The following BBOF1 variants were observed in gnomAD, a reference collection of about 807,000 sequenced individuals.
BBOF1 encodes the protein basal body orientation factor 1, also known as basal body-orientation factor 1.
BBOF1 carries 62 observed loss-of-function variants against 68.0 expected under a neutral mutation model. The ratio of observed to expected loss-of-function variants is 0.91; its 90% CI spans 0.74 to 1.13. The LOEUF (loss-of-function observed/expected upper bound fraction) is 1.13, where lower values mean the gene tolerates loss of function less well. BBOF1 is among the 50% of genes most tolerant of loss of function. BBOF1 has a pLI of 0.00. For missense variants in BBOF1, 534 were observed against 600.1 expected (o/e 0.89, Z 1.15); for synonymous variants, 208 against 198.8 (o/e 1.05, Z -0.39).
intron 12 of BBOF1, among the ~76,000 whole-genome samples, chr14:74,081,863 T>G (rs1340069229): frequency 6.6e-6 from 1 of 152,216 alleles, no homozygotes; most frequent in Admixed American, 6.6e-5. Context: ...CATCAGTTAC[T>G]AGTTCGGTAA....
chr14:74,065,555 A>T lies in BBOF1; in HGVS notation c.*856A>T. The T allele has an allele frequency of 1.7e-6, 1 of 594,374 alleles. No individual in the cohort carries two copies. The highest frequency in any genetic ancestry group is 2.0e-5 in the South Asian group (1 of 50,358). The allele number at this position is 594,374 out of a possible 1,614,324, so 36.8% of individuals were successfully genotyped here. On this transcript the variant is annotated 3_prime_UTR_variant, in exon 12 of 12. Transcript: ENST00000394009. ...TATTCCGTCTTCCAAGTTACCAATC[A>T]TATAAACAACTTGGAATTCCTATCA... is the stretch of plus-strand genomic sequence containing the variant.
At chr14:74,052,003 A>G (rs1050325954) in intron 8 of BBOF1, among the ~76,000 whole-genome samples, 1 of 151,824 alleles carries the variant, frequency 6.6e-6, no homozygotes. Context: ...GATAGATAAG[A>G]TTCTTCTTCA....
downstream of BBOF1, among the ~76,000 whole-genome samples, chr14:74,068,263 C>A (rs2060500116): frequency 6.6e-6 from 1 of 151,828 alleles, no homozygotes; most frequent in Admixed American, 6.6e-5. Context: ...CCTGTAATCC[C>A]AGCTACTCAG....
At chr14:74,072,746 A>G in intron 9 of BBOF1, 1 of 982,910 alleles carries the variant, frequency 1.0e-6, no homozygotes, top group South Asian at 1.4e-5. Context: ...GTCTTTAGAA[A>G]TGTTACCACT....
At chr14:74,054,533 C>G (rs2060140677) in intron 8 of BBOF1, among the ~76,000 whole-genome samples, 1 of 151,636 alleles carries the variant, frequency 6.6e-6, no homozygotes, top group African/African-American at 2.4e-5. Flanking sequence ...TGCCCACCAC[C>G]ATGCCCAGCT....
At chr14:74,067,669 T>G, downstream of BBOF1, 1 of 1,297,616 alleles carries the variant, frequency 7.7e-7, no homozygotes. Context: ...ATGCCTGTAA[T>G]CCCAGCACTT....
chr14:74,044,449 C>T (rs1441012677), intron 5 of BBOF1, among the ~76,000 whole-genome samples: 1 of 146,086 alleles, frequency 6.8e-6, no homozygotes, highest in Admixed American at 7.0e-5. Flanking sequence ...AGCTTTGTGA[C>T]TTTGGGCAAG....
Position 74,048,060 on chromosome 14 carries a change from C to A in BBOF1, c.778C>A (p.Leu260Ile). 1 of 1,609,914 alleles carries A rather than the reference C, an allele frequency of 6.2e-7. No homozygotes were observed. The highest frequency in any genetic ancestry group is 8.5e-7 in the Non-Finnish European group (1 of 1,178,882). Residue 260 changes from leucine to isoleucine, a missense_variant, in exon 7 of 12, where the codon CTT becomes ATT. Leu to Ile is a conservative substitution (Grantham distance 5). Transcript: ENST00000394009. Reference protein sequence around the residue: ...SQKLQESHTLLLHQKEINDLL... With the variant: ...SQKLQESHTLILHQKEINDLL... ...GAAGTTGCAAGAGAGTCATACTTTA[C>A]TTTTACATCAAAAGGTTCCCTCTCA...
At chr14:74,068,481 C>T (rs2060503446), downstream of BBOF1, among the ~76,000 whole-genome samples, 2 of 152,114 alleles carry the variant, frequency 1.3e-5, no homozygotes, top group African/African-American at 4.8e-5. Flanking sequence ...AGGCTTACGC[C>T]TGTAATCCCA....
At chr14:74,047,421 T>G (rs937845653) in intron 6 of BBOF1, among the ~76,000 whole-genome samples, 24 of 151,358 alleles carry the variant, frequency 1.6e-4, no homozygotes, top group Admixed American at 5.9e-4. Context: ...ATTTATTTAT[T>G]TATTTATTTA....
At chr14:74,025,912 G>A (rs569718204) in intron 2 of BBOF1, among the ~76,000 whole-genome samples, 8 of 147,486 alleles carry the variant, frequency 5.4e-5, no homozygotes, top group Non-Finnish European at 1.2e-4. Flanking sequence ...GGGTGGGGGG[G>A]GTGCATCACA....
chr14:74,072,530 C>T lies in BBOF1; in HGVS notation n.1380-5666C>T, dbSNP rs184483889. ...ATAAGTTGAAGTCCCAAAGCAGCTT[C>T]GCTTACTGGGTTGTGGATATCGATC... On this transcript the variant is annotated intron_variant and non_coding_transcript_variant, in intron 9 of 12. Coordinates refer to the BBOF1 transcript ENST00000492026. 365 of 1,614,124 alleles carry T rather than the reference C, an allele frequency of 2.3e-4. 1 individual carries two copies. In the African/African-American group the frequency reaches 4.1e-3, roughly 18 times the overall value.
downstream of BBOF1, among the ~76,000 whole-genome samples, chr14:74,070,440 A>C (rs1340802104): frequency 6.6e-6 from 1 of 152,004 alleles, no homozygotes; most frequent in Non-Finnish European, 1.5e-5. Flanking sequence ...AATTGCTTGA[A>C]CCTGGGAGGC....
At chr14:74,082,077 G>C (rs1278880372) in intron 12 of BBOF1, among the ~76,000 whole-genome samples, 4 of 152,054 alleles carry the variant, frequency 2.6e-5, no homozygotes, top group African/African-American at 9.6e-5. Context: ...ATGGGGGCAC[G>C]ATCTGTTGTT....
At chr14:74,023,233 T>C (rs1366133934) in intron 2 of BBOF1, 89 bp downstream of exon 2, 6 of 744,050 alleles carry the variant, frequency 8.1e-6, no homozygotes, top group Non-Finnish European at 1.3e-5. Context: ...TTTAATTCCT[T>C]GAAATCTTAA....
Position 74,029,375 on chromosome 14 carries a change from T to C in BBOF1, c.351+126T>C, listed in dbSNP as rs1046970812. 3.0e-5 allele frequency: 18 copies of C among 590,324 alleles called. No homozygotes were observed. In the East Asian group the frequency reaches 5.1e-4, roughly 17 times the overall value. The allele number at this position is 590,324 out of a possible 1,614,324, so 36.6% of individuals were successfully genotyped here. A position where few individuals can be genotyped will look rare whatever the true frequency, so the allele number is the denominator to read the frequency against. The stretch of plus-strand genomic sequence containing the variant: ...TGGGCAGGCTAATGACCTTAAAGCT[T>C]GATTGTATAGAAATTCAAAAAACCA... On this transcript the variant is annotated intron_variant, in intron 3 of 11. Transcript: ENST00000394009.
intron 9 of BBOF1, chr14:74,071,896 G>C: frequency 6.2e-7 from 1 of 1,614,108 alleles, no homozygotes; most frequent in Non-Finnish European, 8.5e-7. Flanking sequence ...CCCAGCTTAC[G>C]AAGGCCTCGA....
Position 74,064,853 on chromosome 14 carries a change from A to G in BBOF1, c.*154A>G. The G allele has an allele frequency of 6.2e-7, 1 of 1,614,104 alleles. No homozygotes were observed. Among genetic ancestry groups the G allele is most frequent in the African/African-American group, 1.3e-5 (1 of 75,020 alleles). On this transcript the variant is annotated 3_prime_UTR_variant, in exon 12 of 12. Coordinates refer to ENST00000394009, the MANE Select transcript of BBOF1 (RefSeq NM_025057.3). ...GCCATAGAAATTGGTGTCTCCCCTGAAGGAGGATCGAGAGCCGGTGAATGA... is the reference window on the plus strand; with the variant it reads ...GCCATAGAAATTGGTGTCTCCCCTGGAGGAGGATCGAGAGCCGGTGAATGA...
rs1449064213 is a variant in BBOF1 at position 74,022,916 on chromosome 14, G to A, written c.57G>A (p.Lys19=). ...CTGTCAATATCCTCTTCCCATGCAG[G>A]AAGTTAATAAAAACAGATGAATCTG... ...KKGKSKGKDT[K]KLIKTDESVV... is the part of the protein sequence containing the mutation. Residue 19 remains lysine (K), a splice_region_variant and synonymous_variant, in exon 2 of 12, where the codon AAG becomes AAA. Coordinates refer to ENST00000394009, the MANE Select transcript of BBOF1 (RefSeq NM_025057.3). The A allele has an allele frequency of 2.5e-6, 4 of 1,589,866 alleles. No homozygotes were observed. The South Asian group carries it at 3.4e-5, about 13-fold the overall frequency.
Sources: gnomAD v4.1 joint callset for allele counts (sites outside exome capture counted in the v4.1 genomes callset) on GRCh38, gnomAD v4.1.1 for gene constraint, MANE v1.5 for transcripts, NCBI Gene and HGNC (gene_info 2026-07-23, HGNC 2026-07-21) for gene names.